The following ABTB2 variants were observed in gnomAD, a reference collection of about 807,000 sequenced individuals.
ABTB2 encodes the protein ankyrin repeat and BTB/POZ domain-containing protein 2.
ABTB2 carries 56 observed loss-of-function variants against 104.1 expected under a neutral mutation model. That is an observed-to-expected ratio of 0.54 (90% confidence interval 0.43 to 0.67). The LOEUF (loss-of-function observed/expected upper bound fraction) is 0.67. Ranked by LOEUF, ABTB2 falls within the 30% of genes least tolerant of loss-of-function variation. The probability of loss-of-function intolerance (pLI) is 0.00; values close to 1 mark genes in which losing one functional copy is unlikely to be tolerated. For missense variants in ABTB2, 1,279 were observed against 1,407.7 expected (o/e 0.91, Z 1.46); for synonymous variants, 606 against 608.2 (o/e 1.00, Z 0.05).
chr11:34,329,195 G>A (rs1855102761), intron 1 of ABTB2, among the ~76,000 whole-genome samples: 1 of 152,218 alleles, frequency 6.6e-6, no homozygotes, highest in Non-Finnish European at 1.5e-5. Context: ...ACTGAAGTCA[G>A]TGAATATAAC....
intron 3 of ABTB2, among the ~76,000 whole-genome samples, chr11:34,187,530 C>T (rs1445800157): frequency 7.0e-6 from 1 of 143,142 alleles, no homozygotes; most frequent in Non-Finnish European, 1.5e-5. Context: ...TGGGGTGTTG[C>T]TCTGTTGCCC....
chr11:34,164,962 G>A lies in ABTB2; in HGVS notation c.1853-141C>T, dbSNP rs114306511. On this transcript the variant is annotated intron_variant, in intron 8 of 16. Coordinates refer to ENST00000435224, the MANE Select transcript of ABTB2 (RefSeq NM_145804.3). ...TAAACCCCACACTCATCTGCATTTG[G>A]TGGACGAAGTGAAGGGAGAGGAAGA... 8.7e-4 allele frequency: 962 copies of A among 1,111,150 alleles called. 11 individuals are homozygous for A. The African/African-American group carries it at 0.012, about 14-fold the overall frequency. 68.8% of individuals were successfully genotyped at this position (1,111,150 alleles called of 1,614,324 possible).
intron 1 of ABTB2, among the ~76,000 whole-genome samples, chr11:34,254,256 A>G (rs1565152122): frequency 2.0e-5 from 3 of 150,798 alleles, no homozygotes; most frequent in African/African-American, 7.3e-5. Flanking sequence ...AAGCTTTTTG[A>G]TTTTTTTTTG....
chr11:34,251,788 A>G (rs1854060027), intron 1 of ABTB2, among the ~76,000 whole-genome samples: 1 of 152,244 alleles, frequency 6.6e-6, no homozygotes, highest in Non-Finnish European at 1.5e-5. Flanking sequence ...CTCAGGAAAC[A>G]ACTAAAGCAG....
chr11:34,215,732 T>C (rs1337891689), intron 1 of ABTB2, among the ~76,000 whole-genome samples: 1 of 152,200 alleles, frequency 6.6e-6, no homozygotes, highest in Admixed American at 6.5e-5. Flanking sequence ...AAACAGGTTT[T>C]GTAAATAAGC....
intron 1 of ABTB2, among the ~76,000 whole-genome samples, chr11:34,331,971 G>A (rs1330233604): frequency 2.6e-5 from 4 of 152,118 alleles, no homozygotes; most frequent in Non-Finnish European, 5.9e-5. Context: ...CAAGCCTGAG[G>A]GCTAACTTCT....
At chr11:34,262,905 T>C (rs1854205996) in intron 1 of ABTB2, among the ~76,000 whole-genome samples, 2 of 151,916 alleles carry the variant, frequency 1.3e-5, no homozygotes, top group Admixed American at 1.3e-4. Flanking sequence ...CCCTGGAAAT[T>C]GGACAAAGGA....
chr11:34,242,453 A>T (rs1590227666), intron 1 of ABTB2: 1 of 152,340 alleles, frequency 6.6e-6, no homozygotes, highest in East Asian at 1.9e-4. Flanking sequence ...AGGGGCAGGG[A>T]GGTTGGTGAT....
chr11:34,156,722 A>G (rs552961570), intron 14 of ABTB2, among the ~76,000 whole-genome samples: 11 of 152,040 alleles, frequency 7.2e-5, no homozygotes, highest in African/African-American at 1.2e-4. Flanking sequence ...TACGGTTTCT[A>G]CATGTTGGTC....
At chr11:34,244,465 A>G (rs1282418002) in intron 1 of ABTB2, among the ~76,000 whole-genome samples, 1 of 152,202 alleles carries the variant, frequency 6.6e-6, no homozygotes, top group Admixed American at 6.5e-5. Context: ...AATGCAGGAC[A>G]ATAAAATACG....
intron 4 of ABTB2, 24 bp downstream of exon 4, chr11:34,173,131 C>T (rs374560869): frequency 2.5e-6 from 4 of 1,613,028 alleles, no homozygotes; most frequent in Non-Finnish European, 3.4e-6. Context: ...GATGCCGGGG[C>T]CCTCCCTCCT....
intron 1 of ABTB2, among the ~76,000 whole-genome samples, chr11:34,343,972 T>C (rs957249763): frequency 6.6e-6 from 1 of 152,130 alleles, no homozygotes; most frequent in African/African-American, 2.4e-5. Context: ...AGCCAGGCTT[T>C]GCACCCTGCC....
chr11:34,253,448 C>T (rs1222591523), intron 1 of ABTB2, among the ~76,000 whole-genome samples: 1 of 152,084 alleles, frequency 6.6e-6, no homozygotes, highest in Non-Finnish European at 1.5e-5. Context: ...GAGGCCAAAG[C>T]GGGCAGATCA....
In ABTB2 at chr11:34,204,695, G is replaced by C. The variant is rs1358933402; in HGVS notation, c.884-5C>G. The C allele has an allele frequency of 6.2e-7, 1 of 1,610,438 alleles. No individual in the cohort carries two copies. Among genetic ancestry groups the C allele is most frequent in the African/African-American group, 1.3e-5 (1 of 74,830 alleles). On this transcript the variant is annotated splice_region_variant and splice_polypyrimidine_tract_variant and intron_variant, in intron 1 of 16. Transcript: ENST00000435224. ...ATGCGGGGAGGGAGAGGACACCTAT[G>C]GGGAAAGAAGGCAGACAGGTCACAC... is the stretch of plus-strand genomic sequence containing the variant.
intron 1 of ABTB2, among the ~76,000 whole-genome samples, chr11:34,297,396 C>A (rs950475029): frequency 4.6e-5 from 7 of 152,172 alleles, no homozygotes; most frequent in Non-Finnish European, 8.8e-5. Context: ...CAAAAACATA[C>A]CCCTACTGGA....
At chr11:34,274,822 G>T (rs1411249889) in intron 1 of ABTB2, among the ~76,000 whole-genome samples, 7 of 152,060 alleles carry the variant, frequency 4.6e-5, no homozygotes, top group Non-Finnish European at 1.0e-4. Context: ...GCGCAAACGT[G>T]CCTTGAGTTT....
intron 1 of ABTB2, among the ~76,000 whole-genome samples, chr11:34,334,810 G>A (rs1855174719): frequency 6.6e-6 from 1 of 150,904 alleles, no homozygotes; most frequent in Admixed American, 6.6e-5. Context: ...TTTATTTTTG[G>A]AAGAAAGTAA....
At chr11:34,194,360 C>G (rs1463556913) in intron 3 of ABTB2, among the ~76,000 whole-genome samples, 1 of 152,228 alleles carries the variant, frequency 6.6e-6, no homozygotes, top group African/African-American at 2.4e-5. Flanking sequence ...TGGGTGAACT[C>G]AGTCCGCCAT....
intron 14 of ABTB2, among the ~76,000 whole-genome samples, chr11:34,157,051 C>G (rs1010773269): frequency 6.6e-6 from 1 of 152,184 alleles, no homozygotes; most frequent in Non-Finnish European, 1.5e-5. Flanking sequence ...ACCCCCACCC[C>G]ACCCCGCCTG....
Sources: allele counts gnomAD v4.1 joint callset (sites outside exome capture counted in the v4.1 genomes callset), GRCh38; gene constraint gnomAD v4.1.1; transcripts MANE v1.5; gene names NCBI Gene and HGNC (gene_info 2026-07-23, HGNC 2026-07-21).